ACSS2: variants seen among roughly 807,000 people sequenced by gnomAD.
ACSS2 encodes the protein acetyl-coenzyme A synthetase, cytoplasmic.
A neutral mutation model predicts 90.6 loss-of-function variants in ACSS2; 58 were observed. The ratio of observed to expected loss-of-function variants is 0.64; its 90% confidence interval spans 0.52 to 0.80. ACSS2 has a LOEUF of 0.80. Ranked by LOEUF, ACSS2 falls within the 30% of genes least tolerant of loss-of-function variation. The probability of loss-of-function intolerance (pLI) is 0.00; values close to 1 mark genes in which losing one functional copy is unlikely to be tolerated. For synonymous variants in ACSS2, 300 were observed against 330.9 expected (o/e 0.91, Z 1.01); for missense variants, 759 against 912.0 (o/e 0.83, Z 2.16).
At chr20:34,914,884 G>T (rs547280735) in intron 7 of ACSS2, among the ~76,000 whole-genome samples, 1 of 152,264 alleles carries the variant, frequency 6.6e-6, no homozygotes, top group African/African-American at 2.4e-5. Flanking sequence ...GGACCCCCAG[G>T]CTTCTGGTGG....
chr20:34,877,049 A>G (rs1411897184), intron 1 of ACSS2, among the ~76,000 whole-genome samples: 3 of 152,036 alleles, frequency 2.0e-5, no homozygotes, highest in Non-Finnish European at 4.4e-5. Context: ...CGTGGTGGAG[A>G]TGCGGGTTTT....
In ACSS2 at chr20:34,921,840, T is replaced by C; in HGVS notation, c.1522T>C (p.Leu508=). ...PAILNESGEE[L]EGEAEGYLVF... Reference sequence around the variant, plus strand: ...AATCCTGAATGAGTCCGGGGAAGAGTTGGAAGGTGAAGCTGAAGGTTATCT... The same window carrying C: ...AATCCTGAATGAGTCCGGGGAAGAGCTGGAAGGTGAAGCTGAAGGTTATCT... Residue 508 remains leucine, a synonymous_variant, in exon 13 of 18, where the codon TTG becomes CTG. Transcript: ENST00000360596. 6.2e-7 allele frequency: 1 copy of C among 1,613,848 alleles called. No individual in the cohort carries two copies. The highest frequency in any genetic ancestry group is 8.5e-7 in the Non-Finnish European group (1 of 1,179,946).
chr20:34,913,727 C>G, intron 4 of ACSS2, 26 bp from the exon 5 acceptor site: 1 of 1,606,722 alleles, frequency 6.2e-7, no homozygotes, highest in African/African-American at 1.3e-5. Context: ...TTTCTTCTCT[C>G]CCTCAGACTT....
Position 34,913,786 on chromosome 20 carries a change from CG to C in ACSS2, c.606del (p.Ile203SerfsTer22), listed in dbSNP as rs2081017250. 3.1e-6 allele frequency: 5 copies of C among 1,614,118 alleles called. No individual in the cohort carries two copies. The highest frequency in any genetic ancestry group is 4.2e-6 in the Non-Finnish European group (5 of 1,180,000). On this transcript the variant is annotated frameshift_variant, in exon 5 of 18. Coordinates refer to ENST00000360596, the MANE Select transcript of ACSS2 (RefSeq NM_018677.4). LOFTEE classifies it high-confidence loss of function. ...AGFSSESLCE[R>X]ILDSSCSLLI... The stretch of plus-strand genomic sequence containing the variant: ...CTTCTCTTCAGAGTCTCTATGTGAA[CG>C]GATCTTGGATTCCAGCTGCAGTCTT...
At chr20:34,885,864 A>C (rs1257112682) in intron 2 of ACSS2, among the ~76,000 whole-genome samples, 7 of 152,084 alleles carry the variant, frequency 4.6e-5, no homozygotes, top group South Asian at 4.1e-4. Context: ...TACATTGGTC[A>C]CTCCCTCAAC....
intron 14 of ACSS2, among the ~76,000 whole-genome samples, chr20:34,925,235 G>A (rs2081290981): frequency 6.6e-6 from 1 of 152,118 alleles, no homozygotes; most frequent in East Asian, 1.9e-4. Flanking sequence ...TCAAGCTGTT[G>A]GTAGGGCCTG....
At chr20:34,896,733 T>C (rs1259920166) in intron 2 of ACSS2, among the ~76,000 whole-genome samples, 5 of 152,176 alleles carry the variant, frequency 3.3e-5, no homozygotes, top group Non-Finnish European at 7.4e-5. Flanking sequence ...AAAAAATAAG[T>C]GCCCAAGTGT....
chr20:34,876,424 C>T (rs1266962313), upstream of ACSS2: 2 of 427,144 alleles, frequency 4.7e-6, no homozygotes, highest in East Asian at 3.6e-5. Context: ...CCCTATCCCT[C>T]GACTTTTCCT....
At chr20:34,875,521 A>C (rs2079887351), upstream of ACSS2, among the ~76,000 whole-genome samples, 1 of 152,228 alleles carries the variant, frequency 6.6e-6, no homozygotes, top group Non-Finnish European at 1.5e-5. Flanking sequence ...GTCAGCCGAG[A>C]TTGTGCCATT....
chr20:34,906,061 C>T (rs929385291), intron 2 of ACSS2, among the ~76,000 whole-genome samples: 5 of 152,146 alleles, frequency 3.3e-5, no homozygotes, highest in Middle Eastern at 3.2e-3. Context: ...CCTGGCCGGG[C>T]GCGGTGGCTC....
chr20:34,878,420 G>A (rs1259136647), intron 1 of ACSS2, among the ~76,000 whole-genome samples: 1 of 152,206 alleles, frequency 6.6e-6, no homozygotes, highest in East Asian at 1.9e-4. Flanking sequence ...CTATAAGATA[G>A]GTCTAGTAAT....
At chr20:34,889,231 T>A (rs1006240821) in intron 2 of ACSS2, among the ~76,000 whole-genome samples, 5 of 151,806 alleles carry the variant, frequency 3.3e-5, no homozygotes, top group Non-Finnish European at 5.9e-5. Context: ...CACACCATTC[T>A]CCTGCCTCAG....
At chr20:34,899,205 C>T (rs960944683) in intron 2 of ACSS2, among the ~76,000 whole-genome samples, 6 of 152,194 alleles carry the variant, frequency 3.9e-5, no homozygotes, top group African/African-American at 1.4e-4. Context: ...TCCCTGCAAG[C>T]TGAGGGAGCC....
intron 2 of ACSS2, among the ~76,000 whole-genome samples, chr20:34,909,398 G>T (rs1265106944): frequency 1.3e-5 from 2 of 151,990 alleles, no homozygotes; most frequent in African/African-American, 4.8e-5. Flanking sequence ...ATAAAAAAGA[G>T]AAATAGTTCT....
chr20:34,911,281 A>G (rs1030242474), intron 2 of ACSS2, among the ~76,000 whole-genome samples: 7 of 148,524 alleles, frequency 4.7e-5, no homozygotes, highest in African/African-American at 7.5e-5. Flanking sequence ...TCCGCCTCCC[A>G]GATTCAAGTG....
intron 2 of ACSS2, among the ~76,000 whole-genome samples, chr20:34,898,197 G>T (rs1282649018): frequency 6.6e-6 from 1 of 152,170 alleles, no homozygotes; most frequent in South Asian, 2.1e-4. Context: ...AAAGAACAAA[G>T]CTTCCACAGT....
intron 1 of ACSS2, among the ~76,000 whole-genome samples, chr20:34,882,243 G>A (rs1463762363): frequency 6.6e-6 from 1 of 152,094 alleles, no homozygotes; most frequent in East Asian, 1.9e-4. Context: ...TTTAATAGAT[G>A]GTAAAAAGTG....
chr20:34,901,866 A>G (rs1459435752), intron 2 of ACSS2, among the ~76,000 whole-genome samples: 1 of 152,154 alleles, frequency 6.6e-6, no homozygotes, highest in African/African-American at 2.4e-5. Flanking sequence ...TATTAACACT[A>G]TCTGACCACT....
intron 7 of ACSS2, among the ~76,000 whole-genome samples, chr20:34,916,702 T>A (rs2081084325): frequency 6.6e-6 from 1 of 152,062 alleles, no homozygotes. Flanking sequence ...TATTTAAAAA[T>A]TAAAAAATAG....
Sources: allele counts gnomAD v4.1 joint callset (sites outside exome capture counted in the v4.1 genomes callset), GRCh38; gene constraint gnomAD v4.1.1; transcripts MANE v1.5; gene names NCBI Gene and HGNC (gene_info 2026-07-23, HGNC 2026-07-21).